SFXN2: variants seen among roughly 807,000 people sequenced by gnomAD.
SFXN2 encodes sideroflexin 2.
In SFXN2, 37 loss-of-function variants were observed where a neutral mutation model predicts 41.9. That is an observed-to-expected ratio of 0.88 (90% CI 0.68 to 1.16). The LOEUF (loss-of-function observed/expected upper bound fraction) is 1.16, where lower values mean the gene tolerates loss of function less well. Ranked by LOEUF, SFXN2 falls within the 50% of genes most tolerant of loss-of-function variation. SFXN2 has a pLI of 0.00. For missense variants in SFXN2, 386 were observed against 425.2 expected, an observed-to-expected ratio of 0.91 and a Z score of 0.81; for synonymous variants, 150 against 156.7, an observed-to-expected ratio of 0.96 and a Z score of 0.32.
rs908696833 is a variant in SFXN2, at chr10:102,743,096, G to A, written c.*5334G>A. On this transcript the variant is annotated 3_prime_UTR_variant, in exon 12 of 12. Coordinates refer to ENST00000369893, the MANE Select transcript of SFXN2 (RefSeq NM_178858.6). ...GTCACAGAGAGGACCGTGTTGGGAA[G>A]TTTGGACTCTCTATTCTGTAGGTAG... 1 of 152,256 alleles carries A rather than the reference G, an allele frequency of 6.6e-6. No individual in the cohort carries two copies. Among genetic ancestry groups the A allele is most frequent in the Non-Finnish European group, 1.5e-5 (1 of 68,046 alleles). The allele number at this position is 152,256 out of a possible 1,614,324, so 9.4% of individuals were successfully genotyped here. A position where few individuals can be genotyped will look rare whatever the true frequency, so the allele number is the denominator to read the frequency against.
In SFXN2 at chr10:102,719,090, A is replaced by T. The variant is rs2064463292; in HGVS notation, c.-26+4409A>T. Among the ~76,000 whole-genome samples, 6 of 145,700 alleles carry T rather than the reference A, an allele frequency of 4.1e-5. No individual in the cohort carries two copies. In the South Asian group the frequency reaches 1.1e-3, roughly 27 times the overall value. On this transcript the variant is annotated intron_variant, in intron 1 of 11. Coordinates refer to ENST00000369893, the MANE Select transcript of SFXN2 (RefSeq NM_178858.6). Reference sequence around the variant, plus strand: ...AGGCGCCTGCCACCACGCCCGGCTAATTTTTTGTATTTTTAGTAGAGACAG... The same window carrying T: ...AGGCGCCTGCCACCACGCCCGGCTATTTTTTTGTATTTTTAGTAGAGACAG...
chr10:102,737,616 C>A, intron 11 of SFXN2, 47 bp from the exon 12 acceptor site: 1 of 1,275,418 alleles, frequency 7.8e-7, no homozygotes, highest in Non-Finnish European at 1.1e-6. Context: ...GGGTAACTTA[C>A]TGCTTGTTCC....
At chr10:102,721,032 C>A (rs529787717) in intron 1 of SFXN2, among the ~76,000 whole-genome samples, 52 of 152,292 alleles carry the variant, frequency 3.4e-4, no homozygotes, top group Non-Finnish European at 6.8e-4. Flanking sequence ...CACCCCTGAA[C>A]CCCCTCTGAG....
chr10:102,737,697 C>G lies in SFXN2; in HGVS notation c.904C>G (p.Gln302Glu). 6.2e-7 allele frequency: 1 copy of G among 1,613,126 alleles called. No homozygotes were observed. The highest frequency in any genetic ancestry group is 2.2e-5 in the East Asian group (1 of 44,854). ...AGTTTCCTATCTGGAACCGAAGCTCCAAGACACTATCAAGGCCAAGTATGG... is the reference window on the plus strand; with the variant it reads ...AGTTTCCTATCTGGAACCGAAGCTCGAAGACACTATCAAGGCCAAGTATGG... ...LPVSYLEPKL[Q>E]DTIKAKYGEL... Residue 302 changes from glutamine to glutamate, a missense_variant, in exon 12 of 12, where the codon CAA becomes GAA. By Grantham distance (29) the Gln-to-Glu change is conservative (BLOSUM62 2). Coordinates refer to ENST00000369893, the MANE Select transcript of SFXN2 (RefSeq NM_178858.6).
chr10:102,715,497 G>T (rs1375281472), intron 1 of SFXN2, among the ~76,000 whole-genome samples: 1 of 152,164 alleles, frequency 6.6e-6, no homozygotes, highest in Non-Finnish European at 1.5e-5. Flanking sequence ...TCCCTTTCCC[G>T]ATGCAGAGGA....
chr10:102,723,048 C>A (rs1279097129), intron 1 of SFXN2, among the ~76,000 whole-genome samples: 1 of 149,254 alleles, frequency 6.7e-6, no homozygotes, highest in Non-Finnish European at 1.5e-5. Flanking sequence ...CCTCCCACAT[C>A]AGCCTCCCCA....
In SFXN2 at chr10:102,718,645, A is replaced by G. The variant is rs994171990; in HGVS notation, c.-26+3964A>G. Among the ~76,000 whole-genome samples, 6 of 152,194 alleles carry G rather than the reference A, an allele frequency of 3.9e-5. No homozygotes were observed. In the East Asian group the frequency reaches 1.2e-3, roughly 29 times the overall value. On this transcript the variant is annotated intron_variant, in intron 1 of 11. Transcript: ENST00000369893. ...GGCCAGGGCGCTGTGGATACTCCAT[A>G]TTGAGCCTCTCCTCTTGTTCCTGGT...
At chr10:102,735,839 C>G in intron 10 of SFXN2, 23 bp from the exon 11 acceptor site, 1 of 1,613,906 alleles carries the variant, frequency 6.2e-7, no homozygotes. Flanking sequence ...TCCCCTGATG[C>G]TTTGGTTTCT....
At chr10:102,728,382 C>G in intron 3 of SFXN2, 49 bp from the exon 4 acceptor site, 2 of 1,482,578 alleles carry the variant, frequency 1.3e-6, no homozygotes, top group Non-Finnish European at 1.9e-6. Flanking sequence ...CCTCAGGACT[C>G]CCTGCCATCT....
In SFXN2 at chr10:102,740,063, G is replaced by A. The variant is rs2064827809; in HGVS notation, c.*2301G>A. ...GATTCTGTTGGTCTTGGCACCATACGTGGAGGAGCACTGCTCTAAGGGGAA... is the reference window on the plus strand; with the variant it reads ...GATTCTGTTGGTCTTGGCACCATACATGGAGGAGCACTGCTCTAAGGGGAA... On this transcript the variant is annotated 3_prime_UTR_variant, in exon 12 of 12. Coordinates refer to ENST00000369893, the MANE Select transcript of SFXN2 (RefSeq NM_178858.6). The A allele has an allele frequency of 6.6e-6, 1 of 152,170 alleles. No individual in the cohort carries two copies. 9.4% of individuals were successfully genotyped at this position (152,170 alleles called of 1,614,324 possible).
At chr10:102,731,264 CAAAAAAAAAA>C (rs368931070) in intron 6 of SFXN2, among the ~76,000 whole-genome samples, 3 of 85,200 alleles carry the variant, frequency 3.5e-5, no homozygotes, top group Admixed American at 2.5e-4. Flanking sequence ...GCGATTGTCT[CAAAAAAAAAA>C]AAAAAAAAAA....
rs185664771 is a variant in SFXN2 at position 102,726,148 on chromosome 10, C to A, written c.-25-464C>A. ...TATTTTTAGTAGAGATGGGGTTTCA[C>A]CATGTTGGCCAGGCTGGTCTCAAAC... On this transcript the variant is annotated intron_variant, in intron 1 of 11. Transcript: ENST00000369893. Among the ~76,000 whole-genome samples the A allele has an allele frequency of 1.1e-3, 170 of 152,252 alleles. 1 individual carries two copies. The highest frequency in any genetic ancestry group is 3.9e-3 in the African/African-American group (163 of 41,554).
chr10:102,719,350 T>C (rs2136026931), intron 1 of SFXN2, among the ~76,000 whole-genome samples: 1 of 151,910 alleles, frequency 6.6e-6, no homozygotes, highest in East Asian at 1.9e-4. Context: ...GCCTCCTGAA[T>C]AGCTAGGATG....
Position 102,740,954 on chromosome 10 carries a change from T to A in SFXN2, c.*3192T>A, listed in dbSNP as rs1842778335. 2 of 152,246 alleles carry A rather than the reference T, an allele frequency of 1.3e-5. No individual in the cohort carries two copies. Among genetic ancestry groups the A allele is most frequent in the Non-Finnish European group, 2.9e-5 (2 of 68,050 alleles). The allele number at this position is 152,246 out of a possible 1,614,324, so 9.4% of individuals were successfully genotyped here. The stretch of plus-strand genomic sequence containing the variant: ...CTCCTCAAGCCTCTTGGATTTCCTG[T>A]TCTCTTATAGACAACTGCTCTTTTG... On this transcript the variant is annotated 3_prime_UTR_variant, in exon 12 of 12. Coordinates refer to ENST00000369893, the MANE Select transcript of SFXN2 (RefSeq NM_178858.6).
At chr10:102,717,734 C>G (rs748558052) in intron 1 of SFXN2, 14 of 984,890 alleles carry the variant, frequency 1.4e-5, no homozygotes, top group Admixed American at 6.1e-5. Flanking sequence ...AAAGAGGTGA[C>G]ATCCTTGATG....
intron 10 of SFXN2, 52 bp downstream of exon 10, chr10:102,733,655 A>C (rs775747708): frequency 5.4e-5 from 80 of 1,481,608 alleles, no homozygotes; most frequent in Admixed American, 8.4e-5. Context: ...AGCACTCAAG[A>C]TGTGTCGTCT....
intron 1 of SFXN2, chr10:102,715,253 G>T (rs10786704): frequency 0.26 from 40,210 of 153,228 alleles, 5,511 homozygotes; most frequent in Middle Eastern, 0.36. Flanking sequence ...GCCCAGGCTG[G>T]GCTCGAACTC....
intron 11 of SFXN2, 21 bp from the exon 12 acceptor site, chr10:102,737,642 A>G: frequency 1.3e-6 from 2 of 1,553,024 alleles, no homozygotes; most frequent in Non-Finnish European, 1.8e-6. Flanking sequence ...GCATGCTCAT[A>G]ATCCACTTCT....
chr10:102,737,218 C>T (rs1370940183), intron 11 of SFXN2, among the ~76,000 whole-genome samples: 1 of 151,852 alleles, frequency 6.6e-6, no homozygotes, highest in African/African-American at 2.4e-5. Flanking sequence ...CAACCGAAAC[C>T]CCTCTATTTC....
Sources: allele counts gnomAD v4.1 joint callset (sites outside exome capture counted in the v4.1 genomes callset), GRCh38; gene constraint gnomAD v4.1.1; transcripts MANE v1.5; gene names NCBI Gene and HGNC (gene_info 2026-07-23, HGNC 2026-07-21).